The following RPGR variants were observed in gnomAD, a reference collection of about 807,000 sequenced individuals.
The protein encoded by RPGR is X-linked retinitis pigmentosa GTPase regulator.
A neutral mutation model predicts 56.3 loss-of-function variants in RPGR; 10 were observed. The ratio of observed to expected loss-of-function variants is 0.18; its 90% CI spans 0.11 to 0.30. The LOEUF (loss-of-function observed/expected upper bound fraction) is 0.30, where lower values mean the gene tolerates loss of function less well. RPGR is among the 10% of genes least tolerant of loss of function. The probability of loss-of-function intolerance (pLI) is 1.00; values close to 1 mark genes in which losing one functional copy is unlikely to be tolerated. For missense variants in RPGR, 538 were observed against 590.9 expected, an observed-to-expected ratio of 0.91 and a Z score of 0.93; for synonymous variants, 197 against 212.9, an observed-to-expected ratio of 0.93 and a Z score of 0.65.
intron 15 of RPGR, chrX:38,284,620 TAAAGA>T (rs2067095954): frequency 1.4e-6 from 1 of 735,500 alleles, no homozygotes; most frequent in African/African-American, 2.3e-5. Flanking sequence ...TTTTCAAGAG[TAAAGA>T]AAACAACTGT....
At position 38,297,299 on chromosome X, in the gene RPGR, G is replaced by T. The variant is rs774321455; in HGVS notation, c.1399C>A (p.Gln467Lys). Residue 467 changes from glutamine (Q) to lysine (K), a missense_variant, in exon 11 of 19, where the codon CAG becomes AAG. Coordinates refer to ENST00000642395, the MANE Select transcript of RPGR (RefSeq NM_000328.3). ...CAAATGTTACCTGGTTCCTCTGGCT[G>T]CATGAGGTCCTGTTCAGATAAGACA... 1.9e-4 allele frequency: 231 copies of T among 1,208,092 alleles called. 1 individual carries two copies. In the Admixed American group the frequency reaches 2.5e-3, roughly 13 times the overall value.
At position 38,301,180 on chromosome X, in the gene RPGR, T is replaced by C. The variant is rs11266204; in HGVS notation, c.1059+67A>G. ...TACAAACATAAAATTACTTATTTTCTATGAAATACTGAAAGACTCAAATAC... is the reference window on the plus strand; with the variant it reads ...TACAAACATAAAATTACTTATTTTCCATGAAATACTGAAAGACTCAAATAC... On this transcript the variant is annotated intron_variant, in intron 9 of 18. Transcript: ENST00000642395. 145,400 of 943,266 alleles carry C rather than the reference T, an allele frequency of 0.15. 10,534 individuals carry two copies. The highest frequency in any genetic ancestry group is 0.6 in the East Asian group (17,904 of 29,941). The allele number at this position is 943,266 out of a possible 1,213,427, so 77.7% of individuals were successfully genotyped here.
At chrX:38,282,851 T>C (rs938356202) in intron 15 of RPGR, among the ~76,000 whole-genome samples, 1 of 111,126 alleles carries the variant, frequency 9.0e-6, no homozygotes, top group African/African-American at 3.3e-5. Context: ...TAAAGTCTTT[T>C]TCAGCCAGAG....
intron 7 of RPGR, among the ~76,000 whole-genome samples, chrX:38,306,556 A>G (rs1325523897): frequency 8.9e-6 from 1 of 112,561 alleles, no homozygotes; most frequent in African/African-American, 3.2e-5. Flanking sequence ...ATATGAAGCC[A>G]TATTGAGGCA....
chrX:38,285,970 TCC>T lies in RPGR; in HGVS notation c.1905+1122_1905+1123del, dbSNP rs1569235565. The T allele has an allele frequency of 1.1e-6, 1 of 908,418 alleles. No individual in the cohort carries two copies. The highest frequency in any genetic ancestry group is 1.4e-6 in the Non-Finnish European group (1 of 709,582). 74.9% of individuals were successfully genotyped at this position (908,418 alleles called of 1,213,427 possible). ...TTCCTCTTCTTCCTCCCCTTCTCCC[TCC>T]CCTTCTTCCTCTCCCTCTCCTTCTT... On this transcript the variant is annotated intron_variant, in intron 15 of 18. Transcript: ENST00000642395.
chrX:38,304,531 T>C, intron 8 of RPGR, 104 bp downstream of exon 8: 1 of 643,292 alleles, frequency 1.6e-6, no homozygotes, highest in Non-Finnish European at 2.4e-6. Flanking sequence ...TTCTCAGCCA[T>C]TAATTCCTTT....
At chrX:38,319,789 C>T (rs1422969386) in intron 4 of RPGR, among the ~76,000 whole-genome samples, 3 of 111,886 alleles carry the variant, frequency 2.7e-5, no homozygotes, top group Non-Finnish European at 5.6e-5. Flanking sequence ...TAAACATTTC[C>T]AGTAAGTTGT....
chrX:38,321,553 G>C (rs1008817527), intron 3 of RPGR, among the ~76,000 whole-genome samples: 1 of 109,669 alleles, frequency 9.1e-6, no homozygotes, highest in African/African-American at 3.3e-5. Context: ...ATTCGGGGAG[G>C]GGGTGCTGAG....
In RPGR at chrX:38,276,752, A is replaced by G. The variant is rs2066943780; in HGVS notation, c.1926T>C (p.Thr642=). Residue 642 remains threonine, a synonymous_variant, in exon 16 of 19, where the codon ACT becomes ACC. Coordinates refer to ENST00000642395, the MANE Select transcript of RPGR (RefSeq NM_000328.3). ...CCACATCTTCTAGTTTTAGTTCCTC[A>G]GTTTTAGAAAATTCATGATCCTGTG... is the stretch of plus-strand genomic sequence containing the variant. The G allele has an allele frequency of 8.3e-7, 1 of 1,207,240 alleles. No homozygotes were observed. The highest frequency in any genetic ancestry group is 1.7e-5 in the African/African-American group (1 of 57,175).
chrX:38,316,747 G>C (rs976642818), intron 6 of RPGR, among the ~76,000 whole-genome samples: 2 of 111,209 alleles, frequency 1.8e-5, no homozygotes, highest in South Asian at 3.8e-4. Context: ...GTAACTTTAG[G>C]GGGCAGTGAA....
chrX:38,326,119 C>T (rs1480468620), intron 1 of RPGR, among the ~76,000 whole-genome samples: 1 of 111,846 alleles, frequency 8.9e-6, no homozygotes, highest in Non-Finnish European at 1.9e-5. Context: ...GAATGAATTA[C>T]TTTAACATTT....
intron 6 of RPGR, among the ~76,000 whole-genome samples, chrX:38,312,722 T>C (rs1433205684): frequency 9.0e-6 from 1 of 111,654 alleles, no homozygotes; most frequent in Non-Finnish European, 1.9e-5. Context: ...GGCTGGTGGA[T>C]GGCTTGAGTC....
At chrX:38,325,047 G>GT (rs2068022061) in intron 1 of RPGR, among the ~76,000 whole-genome samples, 1 of 106,059 alleles carries the variant, frequency 9.4e-6, no homozygotes, top group African/African-American at 3.5e-5. Flanking sequence ...GTGGGCGCCT[G>GT]TAATCCCAGC....
At chrX:38,321,322 G>A (rs2067936171) in intron 3 of RPGR, among the ~76,000 whole-genome samples, 1 of 111,386 alleles carries the variant, frequency 9.0e-6, no homozygotes, top group South Asian at 3.8e-4. Context: ...TGGAATCTGA[G>A]TCAGTGGGTC....
chrX:38,309,393 T>A lies in RPGR; in HGVS notation c.778+1222A>T, dbSNP rs190260901. 7.3e-3 allele frequency among the ~76,000 whole-genome samples: 819 copies of A among 112,229 alleles called. 7 individuals are homozygous for A. The highest frequency in any genetic ancestry group is 0.025 in the African/African-American group (777 of 30,964). On this transcript the variant is annotated intron_variant, in intron 7 of 18. Coordinates refer to ENST00000642395, the MANE Select transcript of RPGR (RefSeq NM_000328.3). ...AGAATTATCAATGACATATAGAAAA[T>A]AGCTTGAACAAAAAGCTTCTCCAAA...
chrX:38,272,034 T>G (rs1257811036), intron 18 of RPGR, among the ~76,000 whole-genome samples: 2 of 111,831 alleles, frequency 1.8e-5, no homozygotes, highest in East Asian at 5.6e-4. Flanking sequence ...AATAGGTAGG[T>G]TAAATAGCCA....
chrX:38,294,688 T>G (rs781269281), intron 11 of RPGR, among the ~76,000 whole-genome samples: 3 of 112,530 alleles, frequency 2.7e-5, no homozygotes, highest in African/African-American at 9.7e-5. Flanking sequence ...GCTTAGTTCT[T>G]AAATTTCTTC....
At chrX:38,276,254 C>T (rs4130718) in intron 16 of RPGR, among the ~76,000 whole-genome samples, 7,098 of 111,466 alleles carry the variant, frequency 0.064, 285 homozygotes, top group South Asian at 0.14. Context: ...GCCAGGGCTC[C>T]TAACTTTGCA....
chrX:38,284,592 C>A, intron 15 of RPGR: 1 of 746,737 alleles, frequency 1.3e-6, no homozygotes, highest in Non-Finnish European at 1.6e-6. Context: ...AGACAAGAGA[C>A]GTTAAAGCTG....
Sources: gnomAD v4.1 joint callset for allele counts (sites outside exome capture counted in the v4.1 genomes callset) on GRCh38, gnomAD v4.1.1 for gene constraint, MANE v1.5 for transcripts, NCBI Gene and HGNC (gene_info 2026-07-23, HGNC 2026-07-21) for gene names.